LRRTM4: variants seen among roughly 807,000 people sequenced by gnomAD.
LRRTM4 encodes leucine-rich repeat transmembrane neuronal protein 4.
In LRRTM4, 25 loss-of-function variants were observed where a neutral mutation model predicts 47.6. That is an observed-to-expected ratio of 0.53 (90% CI 0.38 to 0.73). The LOEUF is 0.73. Among genes scored for constraint, LRRTM4 ranks in the 30% least tolerant of loss-of-function variants. The probability of loss-of-function intolerance (pLI) is 0.00; values close to 1 mark genes in which losing one functional copy is unlikely to be tolerated. For missense variants in LRRTM4, 638 were observed against 713.4 expected, an observed-to-expected ratio of 0.89 and a Z score of 1.20; for synonymous variants, 311 against 269.5, an observed-to-expected ratio of 1.15 and a Z score of -1.51.
intron 3 of LRRTM4, among the ~76,000 whole-genome samples, chr2:76,910,013 T>A (rs1272751021): frequency 6.6e-6 from 1 of 152,192 alleles, no homozygotes; most frequent in Non-Finnish European, 1.5e-5. Flanking sequence ...CCCAAAGGAT[T>A]GTAAATCATG....
At chr2:77,479,052 G>C (rs774259842) in intron 3 of LRRTM4, among the ~76,000 whole-genome samples, 1 of 151,952 alleles carries the variant, frequency 6.6e-6, no homozygotes, top group Non-Finnish European at 1.5e-5. Context: ...GTGCCACCAT[G>C]CCTGGCTAAT....
intron 3 of LRRTM4, among the ~76,000 whole-genome samples, chr2:77,003,651 A>G (rs968692221): frequency 2.6e-5 from 4 of 152,120 alleles, no homozygotes; most frequent in Non-Finnish European, 4.4e-5. Flanking sequence ...TTTATAAATT[A>G]CCCAGTCTCA....
intron 3 of LRRTM4, among the ~76,000 whole-genome samples, chr2:77,197,927 G>C (rs898313113): frequency 6.6e-6 from 1 of 152,112 alleles, no homozygotes; most frequent in African/African-American, 2.4e-5. Flanking sequence ...AAACTGTTTT[G>C]AATTATATTT....
At chr2:76,922,683 T>C (rs1674469731) in intron 3 of LRRTM4, among the ~76,000 whole-genome samples, 1 of 131,146 alleles carries the variant, frequency 7.6e-6, no homozygotes, top group Admixed American at 8.5e-5. Context: ...GATAAACAAG[T>C]TCTGGAGGCC....
At chr2:77,080,428 A>G (rs530009328) in intron 3 of LRRTM4, among the ~76,000 whole-genome samples, 26 of 152,272 alleles carry the variant, frequency 1.7e-4, no homozygotes, top group Admixed American at 9.8e-4. Flanking sequence ...TCTGAAATGC[A>G]TATCCTTATG....
At chr2:76,861,850 A>G (rs1197313212) in intron 3 of LRRTM4, among the ~76,000 whole-genome samples, 1 of 152,152 alleles carries the variant, frequency 6.6e-6, no homozygotes, top group Non-Finnish European at 1.5e-5. Flanking sequence ...ACGTAGAATG[A>G]CACTTATCTG....
At chr2:76,777,096 C>G (rs1216769907) in intron 3 of LRRTM4, among the ~76,000 whole-genome samples, 1 of 146,966 alleles carries the variant, frequency 6.8e-6, no homozygotes. Flanking sequence ...TCTGAGGGCT[C>G]TGTTCTGTTC....
chr2:76,785,170 G>C (rs71420970), intron 3 of LRRTM4, among the ~76,000 whole-genome samples: 4,873 of 152,168 alleles, frequency 0.032, 116 homozygotes, highest in East Asian at 0.12. Flanking sequence ...TATTGTGTTT[G>C]TATTGGCATT....
intron 3 of LRRTM4, among the ~76,000 whole-genome samples, chr2:77,284,000 C>A (rs913016816): frequency 6.6e-6 from 1 of 151,780 alleles, no homozygotes; most frequent in Non-Finnish European, 1.5e-5. Context: ...TTTGAAGGCA[C>A]AAATAAGTAA....
intron 3 of LRRTM4, among the ~76,000 whole-genome samples, chr2:77,190,499 C>G (rs1001386243): frequency 6.6e-6 from 1 of 152,038 alleles, no homozygotes; most frequent in Admixed American, 6.6e-5. Flanking sequence ...GGGGTTTTGC[C>G]ATGTTGGCCA....
chr2:77,517,166 A>G (rs1040820580), intron 3 of LRRTM4: 3 of 984,972 alleles, frequency 3.0e-6, no homozygotes, highest in Non-Finnish European at 3.6e-6. Flanking sequence ...CTTATTGACA[A>G]GTTTGAAATT....
At chr2:77,010,638 A>C (rs1209939263) in intron 3 of LRRTM4, among the ~76,000 whole-genome samples, 3 of 152,088 alleles carry the variant, frequency 2.0e-5, no homozygotes, top group African/African-American at 7.2e-5. Flanking sequence ...GAATGAAGAT[A>C]TCTCTTTGAC....
intron 3 of LRRTM4, among the ~76,000 whole-genome samples, chr2:76,939,591 G>C (rs1376653531): frequency 6.6e-6 from 1 of 151,686 alleles, no homozygotes; most frequent in African/African-American, 2.4e-5. Flanking sequence ...TCTTAGTACT[G>C]AAGGAATAGA....
chr2:77,167,480 C>T (rs141005207), intron 3 of LRRTM4, among the ~76,000 whole-genome samples: 2,460 of 152,266 alleles, frequency 0.016, 29 homozygotes, highest in Non-Finnish European at 0.027. Context: ...ATAAATCATG[C>T]TGCTATAAAG....
chr2:76,931,533 C>T (rs1674769386), intron 3 of LRRTM4, among the ~76,000 whole-genome samples: 1 of 152,108 alleles, frequency 6.6e-6, no homozygotes, highest in South Asian at 2.1e-4. Flanking sequence ...CACTCTCTCT[C>T]TCCACCACTT....
At chr2:77,013,603 G>T (rs1270137802) in intron 3 of LRRTM4, among the ~76,000 whole-genome samples, 2 of 152,090 alleles carry the variant, frequency 1.3e-5, no homozygotes, top group African/African-American at 4.8e-5. Flanking sequence ...TGAGAGAACA[G>T]GATACGAGTT....
chr2:77,193,257 T>C (rs1573060821), intron 3 of LRRTM4, among the ~76,000 whole-genome samples: 1 of 152,288 alleles, frequency 6.6e-6, no homozygotes, highest in East Asian at 1.9e-4. Flanking sequence ...TATGATTGTT[T>C]AAGAATACCA....
intron 3 of LRRTM4, among the ~76,000 whole-genome samples, chr2:76,854,645 T>G (rs543928727): frequency 5.3e-5 from 8 of 152,162 alleles, no homozygotes; most frequent in Non-Finnish European, 1.0e-4. Context: ...CACCACTGCC[T>G]GGGTCCCTTA....
At chr2:76,917,654 G>C (rs1187365127) in intron 3 of LRRTM4, among the ~76,000 whole-genome samples, 5 of 152,126 alleles carry the variant, frequency 3.3e-5, no homozygotes, top group Admixed American at 6.5e-5. Context: ...GAAGGAGCTA[G>C]GAAGCTCTAG....
Sources: allele counts gnomAD v4.1 joint callset (sites outside exome capture counted in the v4.1 genomes callset), GRCh38; gene constraint gnomAD v4.1.1; transcripts MANE v1.5; gene names NCBI Gene and HGNC (gene_info 2026-07-23, HGNC 2026-07-21).